The following KCNQ5 variants were observed in gnomAD, a reference collection of about 807,000 sequenced individuals.
KCNQ5 encodes potassium voltage-gated channel subfamily Q member 5.
A neutral mutation model predicts 98.2 loss-of-function variants in KCNQ5; 30 were observed. The ratio of observed to expected loss-of-function variants is 0.31; its 90% CI spans 0.23 to 0.41. The LOEUF (loss-of-function observed/expected upper bound fraction) is 0.41, where lower values mean the gene tolerates loss of function less well. Among genes scored for constraint, KCNQ5 ranks in the 10% least tolerant of loss-of-function variants. The pLI is 1.00. For synonymous variants in KCNQ5, 458 were observed against 449.4 expected, an observed-to-expected ratio of 1.02 and a Z score of -0.24; for missense variants, 835 against 1,182.5, an observed-to-expected ratio of 0.71 and a Z score of 4.31.
chr6:72,752,515 G>A (rs1028265727), intron 1 of KCNQ5, among the ~76,000 whole-genome samples: 5 of 152,094 alleles, frequency 3.3e-5, no homozygotes, highest in Non-Finnish European at 7.4e-5. Flanking sequence ...GGGTCCTAAA[G>A]AACATAGTTT....
chr6:73,110,533 A>G (rs1224360452), intron 6 of KCNQ5, among the ~76,000 whole-genome samples: 2 of 152,210 alleles, frequency 1.3e-5, no homozygotes, highest in Non-Finnish European at 2.9e-5. Flanking sequence ...ACTAATCCCA[A>G]AAACTGAATA....
chr6:73,087,434 A>G (rs1399706635), intron 5 of KCNQ5, among the ~76,000 whole-genome samples: 1 of 90,802 alleles, frequency 1.1e-5, no homozygotes, highest in East Asian at 3.0e-4. Context: ...TCTGTTTTAG[A>G]CACATTCAGT....
At chr6:73,098,791 A>G (rs1214249123) in intron 5 of KCNQ5, among the ~76,000 whole-genome samples, 8 of 152,212 alleles carry the variant, frequency 5.3e-5, no homozygotes. Flanking sequence ...CATTAAGGAA[A>G]AACTAAAAAC....
At chr6:73,019,763 C>A (rs991918713) in intron 2 of KCNQ5, among the ~76,000 whole-genome samples, 1 of 152,102 alleles carries the variant, frequency 6.6e-6, no homozygotes, top group Non-Finnish European at 1.5e-5. Context: ...AAGTTAGAAA[C>A]AAATTTTACA....
intron 5 of KCNQ5, among the ~76,000 whole-genome samples, chr6:73,096,969 C>A (rs776183589): frequency 6.6e-6 from 1 of 151,638 alleles, no homozygotes; most frequent in African/African-American, 2.4e-5. Context: ...CTTGAACCTG[C>A]GAGGCAGTTT....
At chr6:72,891,275 C>A (rs1250418537) in intron 1 of KCNQ5, among the ~76,000 whole-genome samples, 1 of 152,116 alleles carries the variant, frequency 6.6e-6, no homozygotes, top group Non-Finnish European at 1.5e-5. Flanking sequence ...CAAAATCTAA[C>A]ATGAAAGTCT....
At chr6:72,890,598 C>T (rs1006466777) in intron 1 of KCNQ5, among the ~76,000 whole-genome samples, 1 of 152,048 alleles carries the variant, frequency 6.6e-6, no homozygotes, top group Non-Finnish European at 1.5e-5. Context: ...CCACTGGCAC[C>T]ATTTGAGAAT....
intron 1 of KCNQ5, among the ~76,000 whole-genome samples, chr6:72,653,521 T>C (rs1765983235): frequency 6.6e-6 from 1 of 152,084 alleles, no homozygotes; most frequent in African/African-American, 2.4e-5. Context: ...GACATTATTG[T>C]ATAGTTGTGG....
chr6:72,896,939 T>TGTTGGTTGGTTG (rs572167810), intron 1 of KCNQ5, among the ~76,000 whole-genome samples: 1 of 151,204 alleles, frequency 6.6e-6, no homozygotes, highest in African/African-American at 2.4e-5. Context: ...TTTGTTTGTT[T>TGTTGGTTGGTTG]GTTGGTTGGT....
At chr6:72,908,020 A>G (rs1042735569) in intron 1 of KCNQ5, among the ~76,000 whole-genome samples, 1 of 152,164 alleles carries the variant, frequency 6.6e-6, no homozygotes, top group Non-Finnish European at 1.5e-5. Context: ...ATGAACCATG[A>G]CAATAATTAT....
chr6:72,867,867 C>G (rs1010780743), intron 1 of KCNQ5, among the ~76,000 whole-genome samples: 1 of 151,884 alleles, frequency 6.6e-6, no homozygotes. Context: ...CCTCAACACA[C>G]AAGACTTCAG....
intron 1 of KCNQ5, among the ~76,000 whole-genome samples, chr6:72,819,880 G>A (rs1163613555): frequency 6.6e-6 from 1 of 152,202 alleles, no homozygotes; most frequent in African/African-American, 2.4e-5. Flanking sequence ...TTGGCAGCCT[G>A]TTGACTTGGA....
At chr6:72,802,476 T>A (rs983097014) in intron 1 of KCNQ5, among the ~76,000 whole-genome samples, 37 of 152,164 alleles carry the variant, frequency 2.4e-4, no homozygotes, top group Non-Finnish European at 4.4e-4. Flanking sequence ...CAATCCTCTT[T>A]TTACTTAATC....
Position 73,197,538 on chromosome 6 carries a change from A to C in KCNQ5, c.*2124A>C, listed in dbSNP as rs1185280388. On this transcript the variant is annotated 3_prime_UTR_variant, in exon 14 of 14. Coordinates refer to ENST00000370398, the MANE Select transcript of KCNQ5 (RefSeq NM_019842.4). ...TTATGAAAATCAATTTTTCATCTTC[A>C]TTCAACCTGAAGTTGTGATTCCCCC... The C allele has an allele frequency of 6.7e-6, 1 of 150,314 alleles. No homozygotes were observed. The highest frequency in any genetic ancestry group is 1.5e-5 in the Non-Finnish European group (1 of 67,752). 9.3% of individuals were successfully genotyped at this position (150,314 alleles called of 1,614,324 possible).
At chr6:73,011,874 A>G (rs1031504836) in intron 2 of KCNQ5, among the ~76,000 whole-genome samples, 16 of 152,208 alleles carry the variant, frequency 1.1e-4, no homozygotes, top group Admixed American at 2.6e-4. Flanking sequence ...AAAGATGCTC[A>G]ACATTATTAA....
At chr6:72,873,245 A>G (rs1778284453) in intron 1 of KCNQ5, among the ~76,000 whole-genome samples, 1 of 152,146 alleles carries the variant, frequency 6.6e-6, no homozygotes, top group African/African-American at 2.4e-5. Flanking sequence ...TGAATATGAT[A>G]TTTGAGTTTA....
intron 2 of KCNQ5, among the ~76,000 whole-genome samples, chr6:73,006,288 T>C (rs1372340560): frequency 6.6e-6 from 1 of 151,454 alleles, no homozygotes; most frequent in Non-Finnish European, 1.5e-5. Flanking sequence ...AGATGAGACA[T>C]ATCGAAGGAA....
intron 1 of KCNQ5, among the ~76,000 whole-genome samples, chr6:72,975,518 T>C (rs886946859): frequency 1.3e-5 from 2 of 152,206 alleles, no homozygotes; most frequent in African/African-American, 4.8e-5. Context: ...AGTGCCATTG[T>C]AGGTCAATCC....
intron 1 of KCNQ5, among the ~76,000 whole-genome samples, chr6:72,735,275 A>G (rs1014274473): frequency 6.6e-6 from 1 of 152,250 alleles, no homozygotes; most frequent in Non-Finnish European, 1.5e-5. Flanking sequence ...TGTATGGACA[A>G]GGCTGCACCT....
Sources: allele counts gnomAD v4.1 joint callset (sites outside exome capture counted in the v4.1 genomes callset), GRCh38; gene constraint gnomAD v4.1.1; transcripts MANE v1.5; gene names NCBI Gene and HGNC (gene_info 2026-07-23, HGNC 2026-07-21).